Variants in KCNQ5 observed in about 807,000 individuals in gnomAD.
KCNQ5 encodes the protein potassium voltage-gated channel subfamily KQT member 5.
KCNQ5 carries 30 observed loss-of-function variants against 98.2 expected under a neutral mutation model. The ratio of observed to expected loss-of-function variants is 0.31; its 90% CI spans 0.23 to 0.41. The LOEUF (loss-of-function observed/expected upper bound fraction) is 0.41. KCNQ5 is among the 10% of genes least tolerant of loss of function. KCNQ5 has a pLI of 1.00. For synonymous variants in KCNQ5, 458 were observed against 449.4 expected (o/e 1.02, Z -0.24); for missense variants, 835 against 1,182.5 (o/e 0.71, Z 4.31).
chr6:72,632,806 A>ATT (rs56738584), intron 1 of KCNQ5, among the ~76,000 whole-genome samples: 10 of 146,342 alleles, frequency 6.8e-5, no homozygotes, highest in Admixed American at 1.4e-4. Context: ...TATATGTACC[A>ATT]TTTTTTTTTT....
chr6:73,108,899 A>G (rs1775114333), intron 6 of KCNQ5, among the ~76,000 whole-genome samples: 1 of 152,242 alleles, frequency 6.6e-6, no homozygotes, highest in Non-Finnish European at 1.5e-5. Context: ...GTTACAAATT[A>G]GGTTCATTTA....
chr6:72,986,835 AC>A (rs1364669610), intron 1 of KCNQ5: 1 of 1,085,768 alleles, frequency 9.2e-7, no homozygotes, highest in Admixed American at 1.7e-5. Context: ...GGGGCCCAGG[AC>A]CCCACAGCCC....
At chr6:72,631,788 G>T (rs771554256) in intron 1 of KCNQ5, among the ~76,000 whole-genome samples, 21 of 152,166 alleles carry the variant, frequency 1.4e-4, no homozygotes, top group Non-Finnish European at 2.8e-4. Flanking sequence ...AAGGCTAAAA[G>T]GAAAATCAAG....
intron 1 of KCNQ5, among the ~76,000 whole-genome samples, chr6:72,990,707 G>A (rs1248493322): frequency 3.6e-5 from 3 of 82,664 alleles, no homozygotes; most frequent in African/African-American, 5.0e-5. Context: ...GAATAGGAGC[G>A]GTGAGAGAGG....
At chr6:73,121,796 A>C (rs181314067) in intron 8 of KCNQ5, among the ~76,000 whole-genome samples, 3 of 152,180 alleles carry the variant, frequency 2.0e-5, no homozygotes, top group African/African-American at 7.2e-5. Context: ...TAACTACATT[A>C]CTTCCCTGTT....
chr6:72,728,527 T>C (rs1770399469), intron 1 of KCNQ5, among the ~76,000 whole-genome samples: 1 of 152,130 alleles, frequency 6.6e-6, no homozygotes, highest in African/African-American at 2.4e-5. Flanking sequence ...GAACAATCCA[T>C]TCAAAAAGGG....
At chr6:72,899,850 C>CT (rs559619517) in intron 1 of KCNQ5, among the ~76,000 whole-genome samples, 154 of 142,524 alleles carry the variant, frequency 1.1e-3, no homozygotes, top group South Asian at 1.6e-3. Flanking sequence ...CATTCTTTCT[C>CT]TTTTTTTTTT....
intron 13 of KCNQ5, 92 bp from the exon 14 acceptor site, chr6:73,194,360 G>A: frequency 9.0e-7 from 1 of 1,117,070 alleles, no homozygotes; most frequent in Non-Finnish European, 1.3e-6. Flanking sequence ...AAATGTGTTG[G>A]CACACCTTGA....
chr6:73,070,712 A>C (rs1773265562), intron 3 of KCNQ5, among the ~76,000 whole-genome samples: 1 of 152,192 alleles, frequency 6.6e-6, no homozygotes, highest in Non-Finnish European at 1.5e-5. Flanking sequence ...CTTGCCCTCA[A>C]CTGGGAAGTG....
intron 9 of KCNQ5, among the ~76,000 whole-genome samples, chr6:73,128,441 C>T (rs1379697081): frequency 6.6e-6 from 1 of 152,116 alleles, no homozygotes. Flanking sequence ...ACTGAATTTA[C>T]CTGTGAATCC....
intron 1 of KCNQ5, among the ~76,000 whole-genome samples, chr6:72,939,784 T>A (rs1428978794): frequency 6.6e-6 from 1 of 152,198 alleles, no homozygotes; most frequent in Non-Finnish European, 1.5e-5. Context: ...ATCTCCCAAC[T>A]GAGCTGGTAT....
At chr6:73,034,906 CA>C (rs1771329829) in intron 2 of KCNQ5, among the ~76,000 whole-genome samples, 1 of 141,952 alleles carries the variant, frequency 7.0e-6, no homozygotes, top group Non-Finnish European at 1.5e-5. Context: ...AGTGCAGTGG[CA>C]TGATCTCGGC....
At chr6:72,713,849 C>G (rs1436603702) in intron 1 of KCNQ5, among the ~76,000 whole-genome samples, 1 of 152,170 alleles carries the variant, frequency 6.6e-6, no homozygotes, top group Non-Finnish European at 1.5e-5. Context: ...AGTGCAGACT[C>G]TCTTGCCTTT....
intron 9 of KCNQ5, chr6:73,125,339 T>C (rs1010961166): frequency 2.0e-6 from 1 of 501,872 alleles, no homozygotes; most frequent in South Asian, 1.5e-5. Context: ...AGTGCCTAGA[T>C]TTGAGAGCAA....
chr6:73,095,357 G>A (rs567002899), intron 5 of KCNQ5, among the ~76,000 whole-genome samples: 19 of 151,916 alleles, frequency 1.3e-4, no homozygotes, highest in East Asian at 3.9e-4. Context: ...TCCTTAAATC[G>A]GGCTTCACAT....
intron 2 of KCNQ5, among the ~76,000 whole-genome samples, chr6:73,036,018 TGTG>T (rs1771403465): frequency 6.6e-6 from 1 of 151,316 alleles, no homozygotes; most frequent in Non-Finnish European, 1.5e-5. Context: ...TGTGTGTGTG[TGTG>T]TGTGTGTGTA....
intron 1 of KCNQ5, among the ~76,000 whole-genome samples, chr6:72,970,365 A>C (rs191236880): frequency 6.6e-6 from 1 of 152,380 alleles, no homozygotes; most frequent in East Asian, 1.9e-4. Flanking sequence ...CAGTGGATTA[A>C]GTATCTAAAC....
chr6:73,021,318 T>C (rs916636964), intron 2 of KCNQ5, among the ~76,000 whole-genome samples: 1 of 152,202 alleles, frequency 6.6e-6, no homozygotes, highest in African/African-American at 2.4e-5. Flanking sequence ...AGTCTATGTA[T>C]TTCCTAGTAT....
chr6:73,034,995 G>A (rs918260719), intron 2 of KCNQ5, among the ~76,000 whole-genome samples: 34 of 150,044 alleles, frequency 2.3e-4, no homozygotes, highest in African/African-American at 5.7e-4. Context: ...ACAGGCGCCC[G>A]CCACCACACC....
Sources: gnomAD v4.1 joint callset for allele counts (sites outside exome capture counted in the v4.1 genomes callset) on GRCh38, gnomAD v4.1.1 for gene constraint, MANE v1.5 for transcripts, NCBI Gene and HGNC (gene_info 2026-07-23, HGNC 2026-07-21) for gene names.